SLC49A4: variants seen among roughly 807,000 people sequenced by gnomAD.
SLC49A4 encodes disrupted in renal cancer protein 2.
In SLC49A4, 36 loss-of-function variants were observed where a neutral mutation model predicts 50.6. The observed-to-expected ratio is 0.71, with a 90% confidence interval of 0.55 to 0.94. SLC49A4 has a LOEUF of 0.94. Ranked by LOEUF, SLC49A4 falls within the 40% of genes least tolerant of loss-of-function variation. The pLI, the probability that SLC49A4 is intolerant of heterozygous loss-of-function variation, is 0.00. For synonymous variants in SLC49A4, 248 were observed against 241.2 expected, an observed-to-expected ratio of 1.03 and a Z score of -0.26; for missense variants, 503 against 605.7, an observed-to-expected ratio of 0.83 and a Z score of 1.78.
intron 8 of SLC49A4, 98 bp from the exon 9 acceptor site, chr3:122,879,165 A>C (rs1937302397): frequency 1.2e-6 from 1 of 830,328 alleles, no homozygotes; most frequent in African/African-American, 1.7e-5. Flanking sequence ...ATTTATTATA[A>C]GTACTTTTTA....
intron 1 of SLC49A4, among the ~76,000 whole-genome samples, chr3:122,798,297 A>G (rs1015182246): frequency 6.6e-6 from 1 of 151,868 alleles, no homozygotes; most frequent in African/African-American, 2.4e-5. Flanking sequence ...CTTGTTTTTT[A>G]TGGTAGAAAA....
intron 2 of SLC49A4, among the ~76,000 whole-genome samples, chr3:122,822,877 A>G (rs1936473064): frequency 6.6e-6 from 1 of 152,158 alleles, no homozygotes; most frequent in East Asian, 1.9e-4. Context: ...AGATGTTTGC[A>G]CAGAGTTATG....
chr3:122,859,462 A>G (rs944105467), intron 6 of SLC49A4, among the ~76,000 whole-genome samples: 1 of 152,208 alleles, frequency 6.6e-6, no homozygotes, highest in Non-Finnish European at 1.5e-5. Flanking sequence ...TCAACAAGTT[A>G]GCCTGATTTT....
In SLC49A4 at chr3:122,880,855, A is replaced by G. The variant is rs1370230185; in HGVS notation, c.*1477A>G. On this transcript the variant is annotated 3_prime_UTR_variant, in exon 9 of 9. Coordinates refer to ENST00000261038, the MANE Select transcript of SLC49A4 (RefSeq NM_032839.3). ...AGTCTGTCTCCCCTCCCCCTTAGCA[A>G]GTACAAGGCTGTGCATTAACTCACC... 2 of 152,334 alleles carry G rather than the reference A, an allele frequency of 1.3e-5. No homozygotes were observed. The highest frequency in any genetic ancestry group is 2.9e-5 in the Non-Finnish European group (2 of 68,170). 9.4% of individuals were successfully genotyped at this position (152,334 alleles called of 1,614,324 possible).
Position 122,860,112 on chromosome 3 carries a change from C to A in SLC49A4, c.1048C>A (p.Leu350Ile), listed in dbSNP as rs182047053. 4.3e-6 allele frequency: 7 copies of A among 1,612,546 alleles called. No homozygotes were observed. Among genetic ancestry groups the A allele is most frequent in the Admixed American group, 1.7e-5 (1 of 59,780 alleles). ...TATCAGGGGTATGCTGAAACTAATT[C>A]TTCTCCTCCTGTTTTCGGGAGCTAC... ...DFIRGMLKLI[L>I]LLLFSGATLS... Residue 350 changes from leucine to isoleucine, a missense_variant, in exon 7 of 9, where the codon CTT (leucine) becomes ATT (isoleucine). Physicochemically the swap from Leu to Ile is conservative, Grantham distance 5. Coordinates refer to ENST00000261038, the MANE Select transcript of SLC49A4 (RefSeq NM_032839.3).
intron 6 of SLC49A4, 90 bp downstream of exon 6, chr3:122,856,464 C>T: frequency 8.2e-7 from 1 of 1,215,584 alleles, no homozygotes; most frequent in Non-Finnish European, 1.2e-6. Flanking sequence ...CATTACAATT[C>T]AGGGAAAAGT....
intron 3 of SLC49A4, among the ~76,000 whole-genome samples, chr3:122,829,202 C>G (rs1936577933): frequency 6.6e-6 from 1 of 152,162 alleles, no homozygotes; most frequent in Non-Finnish European, 1.5e-5. Flanking sequence ...CAAACTGATT[C>G]CAGCAACATA....
intron 8 of SLC49A4, 78 bp from the exon 9 acceptor site, chr3:122,879,185 A>G: frequency 9.9e-7 from 1 of 1,014,596 alleles, no homozygotes; most frequent in Non-Finnish European, 1.5e-6. Flanking sequence ...AATGCAGAGC[A>G]GATTCCTTCC....
At chr3:122,812,161 G>A (rs1212495172) in intron 2 of SLC49A4, among the ~76,000 whole-genome samples, 3 of 152,070 alleles carry the variant, frequency 2.0e-5, no homozygotes, top group African/African-American at 7.2e-5. Context: ...CCAATATTTT[G>A]CCTGAGTTGG....
chr3:122,857,262 A>C (rs1937000564), intron 6 of SLC49A4, among the ~76,000 whole-genome samples: 1 of 141,094 alleles, frequency 7.1e-6, no homozygotes, highest in African/African-American at 2.6e-5. Flanking sequence ...AGTCAGAAGT[A>C]GGAAAAAGGT....
intron 2 of SLC49A4, among the ~76,000 whole-genome samples, chr3:122,822,789 C>T (rs1380013105): frequency 1.5e-5 from 2 of 137,284 alleles, no homozygotes; most frequent in Non-Finnish European, 3.4e-5. Flanking sequence ...GTTTCTTCCC[C>T]ACCCCAATCC....
intron 5 of SLC49A4, among the ~76,000 whole-genome samples, chr3:122,846,203 A>G (rs1487161127): frequency 2.0e-5 from 3 of 152,174 alleles, no homozygotes; most frequent in Non-Finnish European, 2.9e-5. Flanking sequence ...CATCAAATAT[A>G]TAGCTATTTC....
intron 1 of SLC49A4, among the ~76,000 whole-genome samples, chr3:122,806,400 CAG>C (rs1224485396): frequency 6.6e-6 from 1 of 151,916 alleles, no homozygotes; most frequent in African/African-American, 2.4e-5. Context: ...TTTTTGGAAA[CAG>C]AGTCTCACTC....
intron 1 of SLC49A4, among the ~76,000 whole-genome samples, chr3:122,806,322 C>G (rs1936216696): frequency 6.6e-6 from 1 of 152,120 alleles, no homozygotes; most frequent in Non-Finnish European, 1.5e-5. Flanking sequence ...AGAACTTCTT[C>G]CTCCATCTTT....
At chr3:122,861,189 A>G (rs1211334604) in intron 7 of SLC49A4, among the ~76,000 whole-genome samples, 1 of 152,178 alleles carries the variant, frequency 6.6e-6, no homozygotes, top group Non-Finnish European at 1.5e-5. Context: ...TAGCAACCTT[A>G]GTCCCATTTC....
At chr3:122,839,492 G>T (rs1202059740) in intron 4 of SLC49A4, among the ~76,000 whole-genome samples, 20 of 151,978 alleles carry the variant, frequency 1.3e-4, no homozygotes, top group Admixed American at 1.3e-3. Context: ...CTCTGTATCT[G>T]ACAGGAGACT....
At chr3:122,824,726 C>CTT (rs1936501969) in intron 2 of SLC49A4, among the ~76,000 whole-genome samples, 1 of 101,370 alleles carries the variant, frequency 9.9e-6, no homozygotes. Flanking sequence ...CTTTTTTTTT[C>CTT]CTTCTTTTTT....
chr3:122,860,618 A>G lies in SLC49A4; in HGVS notation c.1138+416A>G, dbSNP rs139780076. On this transcript the variant is annotated intron_variant, in intron 7 of 8. Transcript: ENST00000261038. ...GCCCCTATAGGTTTATTTTACATTTAGTGTTATTCCATCATTAATACAAAG... is the reference window on the plus strand; with the variant it reads ...GCCCCTATAGGTTTATTTTACATTTGGTGTTATTCCATCATTAATACAAAG... Among the ~76,000 whole-genome samples, 1,107 of 152,318 alleles carry G rather than the reference A, an allele frequency of 7.3e-3. 3 individuals are homozygous for G. Among genetic ancestry groups the G allele is most frequent in the Non-Finnish European group, 0.01 (681 of 68,014 alleles).
At chr3:122,806,418 C>T (rs1936218660) in intron 1 of SLC49A4, among the ~76,000 whole-genome samples, 1 of 152,074 alleles carries the variant, frequency 6.6e-6, no homozygotes, top group South Asian at 2.1e-4. Context: ...CACTCTGTCG[C>T]CCAGGCTGGA....
Sources: gnomAD v4.1 joint callset for allele counts (sites outside exome capture counted in the v4.1 genomes callset) on GRCh38, gnomAD v4.1.1 for gene constraint, MANE v1.5 for transcripts, NCBI Gene and HGNC (gene_info 2026-07-23, HGNC 2026-07-21) for gene names.